Variants in PTPRK observed in about 807,000 individuals in gnomAD.
PTPRK encodes the protein receptor-type tyrosine-protein phosphatase kappa.
A neutral mutation model predicts 178.0 loss-of-function variants in PTPRK; 75 were observed. The ratio of observed to expected loss-of-function variants is 0.42; its 90% CI spans 0.35 to 0.51. The LOEUF is 0.51. Ranked by LOEUF, PTPRK falls within the 20% of genes least tolerant of loss-of-function variation. The pLI, the probability that PTPRK is intolerant of heterozygous loss-of-function variation, is 0.02. For missense variants in PTPRK, 1,441 were observed against 1,797.8 expected, an observed-to-expected ratio of 0.80 and a Z score of 3.59; for synonymous variants, 637 against 620.6, an observed-to-expected ratio of 1.03 and a Z score of -0.39.
intron 3 of PTPRK, among the ~76,000 whole-genome samples, chr6:128,315,079 C>T (rs993831237): frequency 6.6e-6 from 1 of 152,092 alleles, no homozygotes; most frequent in East Asian, 1.9e-4. Context: ...ATTTATGGAG[C>T]TAAATTGACT....
chr6:128,450,124 A>G (rs2128405558), intron 1 of PTPRK, among the ~76,000 whole-genome samples: 1 of 152,018 alleles, frequency 6.6e-6, no homozygotes, highest in African/African-American at 2.4e-5. Context: ...CTCAACAAAA[A>G]AAAAAAAAGA....
intron 1 of PTPRK, among the ~76,000 whole-genome samples, chr6:128,399,250 G>C (rs944362813): frequency 1.3e-5 from 2 of 152,176 alleles, no homozygotes; most frequent in African/African-American, 4.8e-5. Flanking sequence ...GAGTATAAGT[G>C]AAAGTTACAC....
At chr6:128,045,788 C>T (rs1443891169) in intron 13 of PTPRK, among the ~76,000 whole-genome samples, 2 of 151,846 alleles carry the variant, frequency 1.3e-5, no homozygotes, top group Non-Finnish European at 2.9e-5. Context: ...AGGTTGATAC[C>T]CATACCCTCA....
intron 7 of PTPRK, among the ~76,000 whole-genome samples, chr6:128,093,578 G>A (rs1461422028): frequency 2.0e-5 from 2 of 97,978 alleles, no homozygotes; most frequent in Non-Finnish European, 3.6e-5. Flanking sequence ...CTGGGTGACA[G>A]AGCAAGAGAC....
chr6:128,046,513 G>T (rs1199597916), intron 13 of PTPRK, among the ~76,000 whole-genome samples: 1 of 152,014 alleles, frequency 6.6e-6, no homozygotes, highest in Admixed American at 6.6e-5. Context: ...TACCACAGTT[G>T]ATCCTAACTT....
At chr6:128,266,104 G>A (rs1016277341) in intron 3 of PTPRK, among the ~76,000 whole-genome samples, 1 of 152,082 alleles carries the variant, frequency 6.6e-6, no homozygotes, top group Non-Finnish European at 1.5e-5. Context: ...AAGACATCCA[G>A]TTTATGGCAT....
chr6:128,053,762 C>T (rs1273196754), intron 13 of PTPRK, among the ~76,000 whole-genome samples: 2 of 152,174 alleles, frequency 1.3e-5, no homozygotes, highest in African/African-American at 2.4e-5. Flanking sequence ...CTGCCTCCTC[C>T]ATCCGACTCA....
At position 128,458,508 on chromosome 6, in the gene PTPRK, G is replaced by A. The variant is rs541227668; in HGVS notation, c.101-60820C>T. Among the ~76,000 whole-genome samples the A allele has an allele frequency of 1.6e-3, 245 of 152,266 alleles. 3 individuals carry two copies. The highest frequency in any genetic ancestry group is 0.016 in the Admixed American group (242 of 15,286). ...TTGTATAATATGACTTGAAATAAAT[G>A]TCTACATTTAATTGCTTATAATAAG... is the stretch of plus-strand genomic sequence containing the variant. On this transcript the variant is annotated intron_variant, in intron 1 of 29. Transcript: ENST00000368226.
intron 3 of PTPRK, among the ~76,000 whole-genome samples, chr6:128,271,527 G>C (rs748897765): frequency 6.6e-6 from 1 of 152,068 alleles, no homozygotes; most frequent in African/African-American, 2.4e-5. Flanking sequence ...GCTATTCTTT[G>C]ATCTGGTTTT....
chr6:128,499,824 T>C (rs1855283752), intron 1 of PTPRK, among the ~76,000 whole-genome samples: 1 of 152,218 alleles, frequency 6.6e-6, no homozygotes, highest in Non-Finnish European at 1.5e-5. Flanking sequence ...TTTGTTATTG[T>C]TTTTGTTATA....
chr6:128,072,430 A>G (rs1292831620), intron 11 of PTPRK, among the ~76,000 whole-genome samples: 1 of 151,996 alleles, frequency 6.6e-6, no homozygotes. Context: ...GAACATTTAC[A>G]TTAGCTTATA....
chr6:128,427,113 T>C (rs1247486152), intron 1 of PTPRK, among the ~76,000 whole-genome samples: 3 of 152,206 alleles, frequency 2.0e-5, no homozygotes, highest in East Asian at 1.9e-4. Flanking sequence ...GGAGCTAGCA[T>C]TGATTCATTA....
At chr6:128,366,548 C>A (rs1055305445) in intron 2 of PTPRK, among the ~76,000 whole-genome samples, 1 of 152,068 alleles carries the variant, frequency 6.6e-6, no homozygotes, top group Non-Finnish European at 1.5e-5. Context: ...CAAAAGACTA[C>A]TACAAAGTGG....
chr6:128,311,431 T>C (rs1223642722), intron 3 of PTPRK, among the ~76,000 whole-genome samples: 2 of 152,118 alleles, frequency 1.3e-5, no homozygotes, highest in African/African-American at 4.8e-5. Flanking sequence ...CAGAAAAATC[T>C]CCCACCCTGG....
chr6:128,187,256 TAAG>T (rs1802943201), intron 6 of PTPRK, among the ~76,000 whole-genome samples: 1 of 151,494 alleles, frequency 6.6e-6, no homozygotes, highest in Non-Finnish European at 1.5e-5. Flanking sequence ...TACCGCAACA[TAAG>T]AAACAAGTGA....
intron 25 of PTPRK, 84 bp from the exon 26 acceptor site, chr6:127,977,138 G>A: frequency 7.3e-7 from 1 of 1,362,548 alleles, no homozygotes; most frequent in Non-Finnish European, 1.0e-6. Flanking sequence ...ACACTTCAAT[G>A]TAGGACCAGT....
chr6:128,225,089 A>T lies in PTPRK; in HGVS notation c.694-5993T>A, dbSNP rs528943439. Among the ~76,000 whole-genome samples the T allele has an allele frequency of 4.5e-3, 682 of 152,300 alleles. 1 individual carries two copies. The highest frequency in any genetic ancestry group is 8.1e-3 in the Non-Finnish European group (553 of 67,998). On this transcript the variant is annotated intron_variant, in intron 5 of 29. Coordinates refer to ENST00000368226, the MANE Select transcript of PTPRK (RefSeq NM_002844.4). ...CTTCAGAGTCTCTTTTCAAAGTTTG[A>T]GGAATAAAATCAATCCAGTTTCATT...
intron 2 of PTPRK, among the ~76,000 whole-genome samples, chr6:128,396,544 C>A (rs1840326460): frequency 6.6e-6 from 1 of 151,912 alleles, no homozygotes; most frequent in Non-Finnish European, 1.5e-5. Context: ...GAATTGAAAG[C>A]ACAACTATTA....
chr6:128,124,295 A>G (rs1347864324), intron 7 of PTPRK, among the ~76,000 whole-genome samples: 1 of 152,022 alleles, frequency 6.6e-6, no homozygotes, highest in Non-Finnish European at 1.5e-5. Flanking sequence ...TGACCCACCC[A>G]CCACGGCCTC....
Sources: allele counts gnomAD v4.1 joint callset (sites outside exome capture counted in the v4.1 genomes callset), GRCh38; gene constraint gnomAD v4.1.1; transcripts MANE v1.5; gene names NCBI Gene and HGNC (gene_info 2026-07-23, HGNC 2026-07-21).